Variants in CRPPA observed in about 807,000 individuals in gnomAD.
CRPPA encodes CDP-L-ribitol pyrophosphorylase A, also known as D-ribitol-5-phosphate cytidylyltransferase.
Under a neutral mutation model 52.0 loss-of-function variants are expected in CRPPA, and 43 were observed. The ratio of observed to expected loss-of-function variants is 0.83; its 90% CI spans 0.65 to 1.07. The LOEUF is 1.07. Among genes scored for constraint, CRPPA ranks in the 50% least tolerant of loss-of-function variants. The pLI is 0.00. For missense variants in CRPPA, 629 were observed against 551.7 expected (o/e 1.14, Z -1.40); for synonymous variants, 250 against 203.5 (o/e 1.23, Z -1.94).
At chr7:16,328,832 A>T (rs1013357897) in intron 3 of CRPPA, among the ~76,000 whole-genome samples, 2 of 152,236 alleles carry the variant, frequency 1.3e-5, no homozygotes, top group East Asian at 3.9e-4. Context: ...TTCATAATGG[A>T]ATACTTACTA....
Position 16,134,182 on chromosome 7 carries a change from C to T in CRPPA, c.1252-42383G>A, listed in dbSNP as rs1474742296. Among the ~76,000 whole-genome samples, 7 of 125,236 alleles carry T rather than the reference C, an allele frequency of 5.6e-5. 3 individuals carry two copies. The highest frequency in any genetic ancestry group is 1.3e-4 in the Non-Finnish European group (7 of 54,882). 82.2% of individuals were successfully genotyped at this position (125,236 alleles called of 152,430 possible). On this transcript the variant is annotated intron_variant, in intron 9 of 9. Coordinates refer to ENST00000407010, the MANE Select transcript of CRPPA (RefSeq NM_001101426.4). The stretch of plus-strand genomic sequence containing the variant: ...CCCTGACCTCGTGATCCGCCCGCCT[C>T]GGCCCCCTAAAGTGCTGGGATTACA...
chr7:16,199,253 C>T (rs1447197360), intron 9 of CRPPA, among the ~76,000 whole-genome samples: 1 of 152,104 alleles, frequency 6.6e-6, no homozygotes, highest in East Asian at 1.9e-4. Context: ...TAAAAATGAT[C>T]AGTCACTTCT....
rs115613005 is a variant in CRPPA at position 16,138,226 on chromosome 7, C to G, written c.1252-46427G>C. 8.4e-3 allele frequency among the ~76,000 whole-genome samples: 1,278 copies of G among 152,242 alleles called. 20 individuals carry two copies. The highest frequency in any genetic ancestry group is 0.029 in the African/African-American group (1,207 of 41,560). ...CTAAAGAATGTATGCTGTTTACTTACCACCTACAATAATAAAATTTCAGGT... is the reference window on the plus strand; with the variant it reads ...CTAAAGAATGTATGCTGTTTACTTAGCACCTACAATAATAAAATTTCAGGT... On this transcript the variant is annotated intron_variant, in intron 9 of 9. Coordinates refer to ENST00000407010, the MANE Select transcript of CRPPA (RefSeq NM_001101426.4).
chr7:16,342,765 A>C (rs1204250369), intron 3 of CRPPA, among the ~76,000 whole-genome samples: 5 of 17,724 alleles, frequency 2.8e-4, no homozygotes, highest in African/African-American at 3.8e-4. Flanking sequence ...TGTCTCCACA[A>C]AAAAAAAAAA....
intron 2 of CRPPA, among the ~76,000 whole-genome samples, chr7:16,385,549 A>C (rs930496310): frequency 2.0e-5 from 3 of 152,228 alleles, no homozygotes; most frequent in African/African-American, 7.2e-5. Context: ...ACATGAAAGC[A>C]AAATGAAAAC....
chr7:16,360,289 T>C (rs987326844), intron 3 of CRPPA, among the ~76,000 whole-genome samples: 2 of 152,226 alleles, frequency 1.3e-5, no homozygotes, highest in South Asian at 4.1e-4. Context: ...ATTCTCATAG[T>C]AACATTCATT....
intron 2 of CRPPA, among the ~76,000 whole-genome samples, chr7:16,383,071 C>G (rs1437933988): frequency 6.6e-6 from 1 of 152,300 alleles, no homozygotes. Context: ...AAGTGCTCTG[C>G]TTTTTAGAGT....
intron 3 of CRPPA, among the ~76,000 whole-genome samples, chr7:16,370,473 C>T (rs1374581044): frequency 6.6e-6 from 1 of 152,098 alleles, no homozygotes; most frequent in African/African-American, 2.4e-5. Context: ...CAGCACCAGT[C>T]CAGAGTCTGG....
intron 5 of CRPPA, among the ~76,000 whole-genome samples, chr7:16,292,061 C>T (rs546442994): frequency 6.6e-6 from 1 of 151,894 alleles, no homozygotes; most frequent in South Asian, 2.1e-4. Context: ...TCATTGACAG[C>T]TGCTTATCTA....
chr7:16,161,640 A>G (rs1050256278), intron 9 of CRPPA, among the ~76,000 whole-genome samples: 2 of 152,060 alleles, frequency 1.3e-5, no homozygotes, highest in Non-Finnish European at 2.9e-5. Context: ...TTGGCCTGAA[A>G]TTTTGTTTTT....
chr7:16,214,177 G>A (rs1332770972), intron 9 of CRPPA, among the ~76,000 whole-genome samples: 1 of 152,096 alleles, frequency 6.6e-6, no homozygotes, highest in East Asian at 1.9e-4. Context: ...ATTCAAGTAT[G>A]CTCCATGTAA....
In CRPPA at chr7:16,278,378, C is replaced by T. The variant is rs1784253958; in HGVS notation, c.836-152G>A. Among the ~76,000 whole-genome samples the T allele has an allele frequency of 2.6e-5, 4 of 152,162 alleles. No individual in the cohort carries two copies. In the South Asian group the frequency reaches 8.3e-4, roughly 31 times the overall value. On this transcript the variant is annotated intron_variant, in intron 5 of 9. Coordinates refer to ENST00000407010, the MANE Select transcript of CRPPA (RefSeq NM_001101426.4). Reference sequence around the variant, plus strand: ...CCAAGTGGAGTAATCTGTGTACACACTGAGATGGCCTTGATTCAGTTTACT... The same window carrying T: ...CCAAGTGGAGTAATCTGTGTACACATTGAGATGGCCTTGATTCAGTTTACT...
chr7:16,286,039 ATATAAATATATATATATATATAT>A lies in CRPPA; in HGVS notation c.836-7836_836-7814del, dbSNP rs1220751564. On this transcript the variant is annotated intron_variant, in intron 5 of 9. Coordinates refer to ENST00000407010, the MANE Select transcript of CRPPA (RefSeq NM_001101426.4). ...CCATCTCAAAAAAAAAAAAAAAAAA[ATATAAATATATATATATATATAT>A]ATATATATATATATATATAATATTT... Among the ~76,000 whole-genome samples, 82 of 23,948 alleles carry A rather than the reference ATATAAATATATATATATATATAT, an allele frequency of 3.4e-3. 6 individuals carry two copies. Among genetic ancestry groups the A allele is most frequent in the African/African-American group, 0.024 (81 of 3,334 alleles). The allele number at this position is 23,948 out of a possible 152,430, so 15.7% of individuals were successfully genotyped here. A position where few individuals can be genotyped will look rare whatever the true frequency, so the allele number is the denominator to read the frequency against.
intron 3 of CRPPA, among the ~76,000 whole-genome samples, chr7:16,339,548 A>T (rs531847155): frequency 6.6e-6 from 1 of 152,332 alleles, no homozygotes; most frequent in South Asian, 2.1e-4. Flanking sequence ...AACTTTTTCA[A>T]CTTTGTAAAG....
chr7:16,369,670 T>C lies in CRPPA; in HGVS notation c.684+6422A>G, dbSNP rs567660256. Reference sequence around the variant, plus strand: ...CTAAAGCAGAACAAAATAAGTATGATCTTTTTTTTGCCCCCAAGATGGCAG... The same window carrying C: ...CTAAAGCAGAACAAAATAAGTATGACCTTTTTTTTGCCCCCAAGATGGCAG... On this transcript the variant is annotated intron_variant, in intron 3 of 9. Coordinates refer to ENST00000407010, the MANE Select transcript of CRPPA (RefSeq NM_001101426.4). 1.2e-4 allele frequency among the ~76,000 whole-genome samples: 18 copies of C among 152,192 alleles called. 1 individual carries two copies. Among genetic ancestry groups the C allele is most frequent in the African/African-American group, 4.1e-4 (17 of 41,492 alleles).
In CRPPA at chr7:16,286,020, C is replaced by T. The variant is rs78393481; in HGVS notation, c.836-7794G>A. ...AGGCAGTAAGAGTGAAACTCCATCT[C>T]AAAAAAAAAAAAAAAAAAATATAAA... is the stretch of plus-strand genomic sequence containing the variant. On this transcript the variant is annotated intron_variant, in intron 5 of 9. Coordinates refer to ENST00000407010, the MANE Select transcript of CRPPA (RefSeq NM_001101426.4). Among the ~76,000 whole-genome samples, 78 of 7,238 alleles carry T rather than the reference C, an allele frequency of 0.011. 1 individual carries two copies. In the Admixed American group the frequency reaches 0.13, roughly 12 times the overall value. 4.7% of individuals were successfully genotyped at this position (7,238 alleles called of 152,430 possible).
intron 3 of CRPPA, among the ~76,000 whole-genome samples, chr7:16,309,403 C>G (rs763496539): frequency 6.6e-6 from 1 of 152,074 alleles, no homozygotes; most frequent in African/African-American, 2.4e-5. Context: ...TGTAACAGAA[C>G]CTGATAGATG....
At chr7:16,305,894 A>C (rs1784899386) in intron 4 of CRPPA, among the ~76,000 whole-genome samples, 1 of 152,134 alleles carries the variant, frequency 6.6e-6, no homozygotes. Context: ...CAAACAAACA[A>C]AAAAATTTAT....
At chr7:16,407,060 C>G (rs1181011647) in intron 1 of CRPPA, among the ~76,000 whole-genome samples, 2 of 152,192 alleles carry the variant, frequency 1.3e-5, no homozygotes, top group African/African-American at 4.8e-5. Context: ...ACTGCAACCT[C>G]TGCCTCCTGG....
Sources: allele counts gnomAD v4.1 joint callset (sites outside exome capture counted in the v4.1 genomes callset), GRCh38; gene constraint gnomAD v4.1.1; transcripts MANE v1.5; gene names NCBI Gene and HGNC (gene_info 2026-07-23, HGNC 2026-07-21).